Variants in IL21 observed in about 807,000 individuals in gnomAD.
IL21 encodes the protein interleukin-21.
A neutral mutation model predicts 18.4 loss-of-function variants in IL21; 3 were observed. That is an observed-to-expected ratio of 0.16 (90% CI 0.07 to 0.42). The LOEUF (loss-of-function observed/expected upper bound fraction) is 0.42. Among genes scored for constraint, IL21 ranks in the 10% least tolerant of loss-of-function variants. The probability of loss-of-function intolerance (pLI) is 0.99; values close to 1 mark genes in which losing one functional copy is unlikely to be tolerated. For synonymous variants in IL21, 37 were observed against 62.0 expected, an observed-to-expected ratio of 0.60 and a Z score of 1.90; for missense variants, 130 against 188.4, an observed-to-expected ratio of 0.69 and a Z score of 1.81.
At chr4:122,618,861 G>T (rs935651386) in intron 2 of IL21, 1 of 149,482 alleles carries the variant, frequency 6.7e-6, no homozygotes, top group Non-Finnish European at 1.5e-5. Flanking sequence ...CACAAACTAG[G>T]TTTATATCAG....
At position 122,615,883 on chromosome 4, in the gene IL21, A is replaced by G. The variant is rs751264535; in HGVS notation, c.205-46T>C. On this transcript the variant is annotated intron_variant, in intron 2 of 4. Coordinates refer to ENST00000648588, the MANE Select transcript of IL21 (RefSeq NM_021803.4). ...ATATATGTTAACAAACATTATTCAG[A>G]AAGTAAAAGATAGCTTTCCCAATCC... is the stretch of plus-strand genomic sequence containing the variant. 2.7e-6 allele frequency: 4 copies of G among 1,495,692 alleles called. No individual in the cohort carries two copies. In the South Asian group the frequency reaches 4.8e-5, roughly 18 times the overall value. The allele number at this position is 1,495,692 out of a possible 1,614,324, so 92.7% of individuals were successfully genotyped here.
intron 3 of IL21, among the ~76,000 whole-genome samples, chr4:122,614,345 T>G (rs923818231): frequency 1.1e-4 from 17 of 152,116 alleles, no homozygotes; most frequent in African/African-American, 3.4e-4. Flanking sequence ...TAAGAATAAT[T>G]TTGATAATAT....
In IL21 at chr4:122,612,893, T is replaced by C; in HGVS notation, c.396A>G (p.Pro132=). The change falls in exon 4 of 5, where the codon CCA becomes CCG. Residue 132 remains proline (P), a synonymous_variant. Transcript: ENST00000648588. The part of the protein sequence containing the change: ...CPSCDSYEKK[P]PKEFLERFKS... The stretch of plus-strand genomic sequence containing the variant: ...TGAATCTTTCTAGGAATTCTTTGGG[T>C]GGTTTTTTCTCATAAGAATCACATG... 1 of 1,611,772 alleles carries C rather than the reference T, an allele frequency of 6.2e-7. No individual in the cohort carries two copies. Among genetic ancestry groups the C allele is most frequent in the Non-Finnish European group, 8.5e-7 (1 of 1,178,602 alleles).
chr4:122,619,101 C>T (rs367767756), intron 2 of IL21: 2 of 151,814 alleles, frequency 1.3e-5, no homozygotes, highest in African/African-American at 4.8e-5. Context: ...TATGATTAGA[C>T]GGAAAGAAAA....
At chr4:122,617,336 G>A (rs1389362199) in intron 2 of IL21, among the ~76,000 whole-genome samples, 1 of 151,894 alleles carries the variant, frequency 6.6e-6, no homozygotes, top group Non-Finnish European at 1.5e-5. Flanking sequence ...GACCACAACC[G>A]GCTTAACTTA....
rs1451896938 is a variant in IL21, at chr4:122,611,323, C to T, written c.*1387G>A. Among the ~76,000 whole-genome samples, 1 of 151,940 alleles carries T rather than the reference C, an allele frequency of 6.6e-6. No individual in the cohort carries two copies. Among genetic ancestry groups the T allele is most frequent in the Non-Finnish European group, 1.5e-5 (1 of 67,932 alleles). Reference sequence around the variant, plus strand: ...TCTACTTGCTGATGATAAAACATTTCATTGAGATTTGATTAAATAATTCTC... The same window carrying T: ...TCTACTTGCTGATGATAAAACATTTTATTGAGATTTGATTAAATAATTCTC... On this transcript the variant is annotated 3_prime_UTR_variant, in exon 5 of 5. Transcript: ENST00000648588.
intron 2 of IL21, among the ~76,000 whole-genome samples, chr4:122,616,933 A>G (rs1578437223): frequency 6.6e-6 from 1 of 152,184 alleles, no homozygotes; most frequent in Non-Finnish European, 1.5e-5. Flanking sequence ...CAGAAGCCTC[A>G]ATCCCTCCCA....
intron 2 of IL21, among the ~76,000 whole-genome samples, chr4:122,616,797 A>G (rs1332841246): frequency 6.6e-6 from 1 of 152,254 alleles, no homozygotes; most frequent in Non-Finnish European, 1.5e-5. Context: ...CCAAAAGCTT[A>G]TATCCAGGTG....
chr4:122,613,260 C>G (rs1166908644), intron 3 of IL21, among the ~76,000 whole-genome samples: 1 of 146,900 alleles, frequency 6.8e-6, no homozygotes, highest in East Asian at 2.0e-4. Context: ...GTTAAATAAT[C>G]TTCAAAAATA....
At chr4:122,617,968 G>A (rs1799363394) in intron 2 of IL21, among the ~76,000 whole-genome samples, 1 of 152,186 alleles carries the variant, frequency 6.6e-6, no homozygotes, top group Non-Finnish European at 1.5e-5. Context: ...TCACTCAGGA[G>A]TCTACAGGAT....
At chr4:122,614,316 G>A (rs533085239) in intron 3 of IL21, among the ~76,000 whole-genome samples, 25 of 152,178 alleles carry the variant, frequency 1.6e-4, no homozygotes, top group Admixed American at 2.6e-4. Context: ...TGGTCACCAG[G>A]CCAAGCAATC....
chr4:122,612,640 G>A lies in IL21; in HGVS notation c.*70C>T. The stretch of plus-strand genomic sequence containing the variant: ...CTAATATATTGTACTCCTCCACTTG[G>A]AATACAAAGAAATGACTTTCACTAC... On this transcript the variant is annotated 3_prime_UTR_variant, in exon 5 of 5. Transcript: ENST00000648588. 8.8e-7 allele frequency: 1 copy of A among 1,142,308 alleles called. No individual in the cohort carries two copies. The highest frequency in any genetic ancestry group is 1.2e-5 in the South Asian group (1 of 80,074). The allele number at this position is 1,142,308 out of a possible 1,614,324, so 70.8% of individuals were successfully genotyped here.
chr4:122,620,752 A>AT lies in IL21; in HGVS notation c.169-17dup, dbSNP rs1799414917. 6.2e-7 allele frequency: 1 copy of AT among 1,613,348 alleles called. No individual in the cohort carries two copies. The highest frequency in any genetic ancestry group is 1.3e-5 in the African/African-American group (1 of 75,006). ...ATTCAGGGACCTAGAGCAAAAGAAA[A>AT]TTTGTTCTGAGTTATTTTTATAAGC... On this transcript the variant is annotated splice_polypyrimidine_tract_variant and intron_variant, in intron 1 of 4. Transcript: ENST00000648588.
chr4:122,614,181 C>A (rs2150685613), intron 3 of IL21, among the ~76,000 whole-genome samples: 1 of 151,300 alleles, frequency 6.6e-6, no homozygotes, highest in East Asian at 1.9e-4. Flanking sequence ...CTTTCCTCAT[C>A]TATAAGATGA....
In IL21 at chr4:122,612,662, C is replaced by T. The variant is rs1799276660; in HGVS notation, c.*48G>A. 7.7e-7 allele frequency: 1 copy of T among 1,301,756 alleles called. No homozygotes were observed. The highest frequency in any genetic ancestry group is 1.5e-5 in the African/African-American group (1 of 68,816). 80.6% of individuals were successfully genotyped at this position (1,301,756 alleles called of 1,614,324 possible). On this transcript the variant is annotated 3_prime_UTR_variant, in exon 5 of 5. Coordinates refer to ENST00000648588, the MANE Select transcript of IL21 (RefSeq NM_021803.4). ...TTGGAATACAAAGAAATGACTTTCA[C>T]TACTATATTAGAGTATGTAACATAG...
intron 2 of IL21, among the ~76,000 whole-genome samples, chr4:122,617,050 T>C (rs1799347019): frequency 1.3e-5 from 2 of 152,242 alleles, no homozygotes; most frequent in Non-Finnish European, 2.9e-5. Flanking sequence ...ACCCATATGC[T>C]TACCCAATAT....
At chr4:122,617,868 A>G (rs1257565443) in intron 2 of IL21, among the ~76,000 whole-genome samples, 2 of 152,236 alleles carry the variant, frequency 1.3e-5, no homozygotes, top group Non-Finnish European at 2.9e-5. Flanking sequence ...GAAAAGAAGT[A>G]GAGGGCTGTC....
chr4:122,615,244 G>A (rs1003327287), intron 3 of IL21, among the ~76,000 whole-genome samples: 3 of 152,174 alleles, frequency 2.0e-5, no homozygotes, highest in Admixed American at 6.5e-5. Context: ...CGTATAGGCC[G>A]GGTGCGGTGG....
Position 122,615,705 on chromosome 4 carries a change from C to T in IL21, c.337G>A (p.Gly113Arg), listed in dbSNP as rs145809792. 4.3e-6 allele frequency: 7 copies of T among 1,613,008 alleles called. No individual in the cohort carries two copies. In the African/African-American group the frequency reaches 8.0e-5, roughly 18 times the overall value. The change falls in exon 3 of 5, where the codon GGG (glycine) becomes AGG (arginine). Residue 113 changes from glycine (G) to arginine (R), a missense_variant. Transcript: ENST00000648588. ...ACTAGTCTGTGTTTCTGTCTTCTCC[C>T]TGCATTTGTGGAAGGTGGTTTCCTC... is the stretch of plus-strand genomic sequence containing the variant. ...LKRKPPSTNAGRRQKHRLTCP... is the reference protein window; with the variant it reads ...LKRKPPSTNARRRQKHRLTCP...
Sources: gnomAD v4.1 joint callset for allele counts (sites outside exome capture counted in the v4.1 genomes callset) on GRCh38, gnomAD v4.1.1 for gene constraint, MANE v1.5 for transcripts, NCBI Gene and HGNC (gene_info 2026-07-23, HGNC 2026-07-21) for gene names.